The following ZC3H12B variants were observed in gnomAD, a reference collection of about 807,000 sequenced individuals.
ZC3H12B encodes zinc finger CCCH-type containing 12B.
ZC3H12B carries 7 observed loss-of-function variants against 43.9 expected under a neutral mutation model. The observed-to-expected ratio is 0.16, with a 90% CI of 0.09 to 0.30. ZC3H12B has a LOEUF of 0.30. Among genes scored for constraint, ZC3H12B ranks in the 10% least tolerant of loss-of-function variants. The probability of loss-of-function intolerance (pLI) is 1.00; values close to 1 mark genes in which losing one functional copy is unlikely to be tolerated. For synonymous variants in ZC3H12B, 222 were observed against 241.7 expected (o/e 0.92, Z 0.76); for missense variants, 475 against 670.2 (o/e 0.71, Z 3.22).
At chrX:65,262,389 T>A in the ZC3H12B span, among the ~76,000 whole-genome samples, 1 of 110,834 alleles carries the variant, frequency 9.0e-6, no homozygotes, top group Non-Finnish European at 1.9e-5. Flanking sequence ...ATAAGCAGAT[T>A]CTGCCAGCAG....
intron 3 of ZC3H12B, among the ~76,000 whole-genome samples, chrX:65,411,083 A>G (rs756965802): frequency 8.9e-6 from 1 of 112,520 alleles, no homozygotes; most frequent in South Asian, 3.7e-4. Context: ...ATGAACAGAT[A>G]AAGAAAATGT....
rs1327605608 is a variant in ZC3H12B, at chrX:65,482,773, A to G, written n.408-5873A>G. On this transcript the variant is annotated intron_variant and non_coding_transcript_variant, in intron 3 of 5. Transcript: ENST00000617377. ...ATCCTGGAGACATACGTCCTTTCTA[A>G]TGGAACACGTGACTGTGGAAGGTAG... Among the ~76,000 whole-genome samples, 3 of 112,119 alleles carry G rather than the reference A, an allele frequency of 2.7e-5. No homozygotes were observed. The South Asian group carries it at 1.1e-3, about 41-fold the overall frequency.
At chrX:65,197,722 A>G in the ZC3H12B span, among the ~76,000 whole-genome samples, 1 of 112,314 alleles carries the variant, frequency 8.9e-6, no homozygotes, top group African/African-American at 3.2e-5. Flanking sequence ...CTGTTTACTG[A>G]TGGGTCTGGT....
chrX:65,070,660 T>G, the ZC3H12B span, among the ~76,000 whole-genome samples: 1 of 110,908 alleles, frequency 9.0e-6, no homozygotes, highest in Admixed American at 9.6e-5. Flanking sequence ...TTCAAAGAAC[T>G]TCTTGATGTC....
the ZC3H12B span, among the ~76,000 whole-genome samples, chrX:65,351,806 G>T: frequency 8.9e-6 from 1 of 112,268 alleles, no homozygotes; most frequent in Non-Finnish European, 1.9e-5. Flanking sequence ...TCATTAAAAA[G>T]TTGGGAAACA....
chrX:65,430,993 G>T (rs186562918), intron 3 of ZC3H12B, among the ~76,000 whole-genome samples: 68 of 112,046 alleles, frequency 6.1e-4, no homozygotes, highest in Admixed American at 4.8e-3. Flanking sequence ...GACTGCAGCT[G>T]CTTCTAATTG....
At chrX:65,083,439 T>C in the ZC3H12B span, among the ~76,000 whole-genome samples, 1 of 111,947 alleles carries the variant, frequency 8.9e-6, no homozygotes, top group African/African-American at 3.2e-5. Flanking sequence ...CATAACAACA[T>C]TCAGTAGCAT....
intron 3 of ZC3H12B, among the ~76,000 whole-genome samples, chrX:65,428,972 T>C (rs910325463): frequency 8.9e-6 from 1 of 112,484 alleles, no homozygotes; most frequent in Admixed American, 9.4e-5. Context: ...TATTTTCTGT[T>C]TGTTTTTGTT....
chrX:65,354,335 C>G, the ZC3H12B span, among the ~76,000 whole-genome samples: 1 of 111,886 alleles, frequency 8.9e-6, no homozygotes, highest in African/African-American at 3.3e-5. Context: ...GAGTGGACCT[C>G]CAGCAAACTC....
the ZC3H12B span, among the ~76,000 whole-genome samples, chrX:65,035,901 C>G: frequency 8.9e-6 from 1 of 112,294 alleles, no homozygotes; most frequent in African/African-American, 3.2e-5. Flanking sequence ...GAGAAGTAGG[C>G]AGAATGGCTG....
intron 3 of ZC3H12B, chrX:65,408,506 C>T: frequency 8.3e-7 from 1 of 1,208,905 alleles, no homozygotes; most frequent in Non-Finnish European, 1.1e-6. Flanking sequence ...ACCCCCAGTT[C>T]CCCTTACGCC....
At chrX:65,480,778 G>A (rs912113676) in intron 3 of ZC3H12B, among the ~76,000 whole-genome samples, 2 of 109,021 alleles carry the variant, frequency 1.8e-5, no homozygotes, top group Admixed American at 9.8e-5. Context: ...CCCGGGAGGC[G>A]GAGTTTGCAG....
chrX:65,141,525 A>T, the ZC3H12B span, among the ~76,000 whole-genome samples: 4 of 108,130 alleles, frequency 3.7e-5, no homozygotes, highest in Non-Finnish European at 7.7e-5. Context: ...TATTAATTTA[A>T]TTTTTTATTT....
the ZC3H12B span, among the ~76,000 whole-genome samples, chrX:65,082,268 A>G: frequency 8.9e-6 from 1 of 111,821 alleles, no homozygotes; most frequent in East Asian, 2.8e-4. Flanking sequence ...TTGATAATAA[A>G]GATCAGAGTA....
chrX:65,271,395 T>C, the ZC3H12B span: 1 of 112,920 alleles, frequency 8.9e-6, no homozygotes, highest in African/African-American at 3.2e-5. Flanking sequence ...ATGCTTATTA[T>C]TCAGCATTCC....
chrX:65,110,202 T>C, the ZC3H12B span, among the ~76,000 whole-genome samples: 1 of 110,957 alleles, frequency 9.0e-6, no homozygotes, highest in Admixed American at 9.7e-5. Flanking sequence ...TGGTCCTTTA[T>C]TGGATATGCA....
the ZC3H12B span, among the ~76,000 whole-genome samples, chrX:65,225,028 T>A: frequency 9.0e-6 from 1 of 111,662 alleles, no homozygotes; most frequent in Non-Finnish European, 1.9e-5. Context: ...GCAGTGGTTC[T>A]CCCATCATGC....
the ZC3H12B span, among the ~76,000 whole-genome samples, chrX:65,331,471 A>T: frequency 1.8e-5 from 2 of 111,302 alleles, no homozygotes; most frequent in Non-Finnish European, 3.8e-5. Flanking sequence ...AATGCTGGTT[A>T]CCAGAGGCTA....
the ZC3H12B span, among the ~76,000 whole-genome samples, chrX:65,168,278 C>T: frequency 8.9e-6 from 1 of 111,919 alleles, no homozygotes; most frequent in African/African-American, 3.2e-5. Flanking sequence ...GCCTTTTCTA[C>T]AGCTATTGAT....
Sources: gnomAD v4.1 joint callset for allele counts (sites outside exome capture counted in the v4.1 genomes callset) on GRCh38, gnomAD v4.1.1 for gene constraint, MANE v1.5 for transcripts, NCBI Gene and HGNC (gene_info 2026-07-23, HGNC 2026-07-21) for gene names.